Variants in L3MBTL4 observed in about 807,000 individuals in gnomAD.
The protein encoded by L3MBTL4 is lethal(3)malignant brain tumor-like protein 4.
Under a neutral mutation model 84.5 loss-of-function variants are expected in L3MBTL4, and 70 were observed. That is an observed-to-expected ratio of 0.83 (90% CI 0.68 to 1.01). The LOEUF (loss-of-function observed/expected upper bound fraction) is 1.01, where lower values mean the gene tolerates loss of function less well. Ranked by LOEUF, L3MBTL4 falls within the 50% of genes least tolerant of loss-of-function variation. The pLI is 0.00. For synonymous variants in L3MBTL4, 274 were observed against 259.8 expected (o/e 1.05, Z -0.52); for missense variants, 715 against 754.8 (o/e 0.95, Z 0.62).
At chr18:6,148,475 G>C (rs2042747071) in intron 13 of L3MBTL4, among the ~76,000 whole-genome samples, 1 of 152,110 alleles carries the variant, frequency 6.6e-6, no homozygotes, top group Admixed American at 6.5e-5. Flanking sequence ...ACCCAGGCTG[G>C]ACTGCGGTGC....
intron 16 of L3MBTL4, among the ~76,000 whole-genome samples, chr18:6,006,860 CAG>C (rs1426084440): frequency 6.6e-6 from 1 of 152,088 alleles, no homozygotes; most frequent in Non-Finnish European, 1.5e-5. Context: ...ATGATGTAAA[CAG>C]TGTTGAATCA....
chr18:6,230,456 C>T (rs1452615314), intron 10 of L3MBTL4, among the ~76,000 whole-genome samples: 1 of 152,142 alleles, frequency 6.6e-6, no homozygotes, highest in African/African-American at 2.4e-5. Context: ...TGAATATGCA[C>T]CACAGTTTAT....
chr18:5,964,990 C>T (rs2052272370), intron 17 of L3MBTL4, among the ~76,000 whole-genome samples: 2 of 152,194 alleles, frequency 1.3e-5, no homozygotes, highest in African/African-American at 4.8e-5. Context: ...TTAGTCCCTA[C>T]TCATAAAAGC....
intron 12 of L3MBTL4, among the ~76,000 whole-genome samples, chr18:6,206,682 G>A (rs2045890051): frequency 2.0e-5 from 3 of 152,166 alleles, no homozygotes; most frequent in African/African-American, 7.2e-5. Context: ...CATCCTTTCA[G>A]GGGCTTGGCT....
At chr18:6,045,405 G>A (rs551375177) in intron 16 of L3MBTL4, among the ~76,000 whole-genome samples, 99 of 152,292 alleles carry the variant, frequency 6.5e-4, no homozygotes, top group Middle Eastern at 3.4e-3. Flanking sequence ...CTGTTTTCAC[G>A]TGGCTGATAA....
chr18:6,168,758 T>C (rs572282300), intron 13 of L3MBTL4, among the ~76,000 whole-genome samples: 1 of 152,298 alleles, frequency 6.6e-6, no homozygotes, highest in African/African-American at 2.4e-5. Context: ...ATTCAGGACA[T>C]AGGCATGGGC....
intron 14 of L3MBTL4, among the ~76,000 whole-genome samples, chr18:6,118,993 C>CTTTTTTT (rs779523685): frequency 2.9e-4 from 24 of 83,690 alleles, no homozygotes; most frequent in African/African-American, 7.0e-4. Context: ...TTTTTGGTTT[C>CTTTTTTT]TTTTTTTTTT....
intron 1 of L3MBTL4, among the ~76,000 whole-genome samples, chr18:6,366,653 G>C (rs917735007): frequency 1.3e-5 from 2 of 152,128 alleles, no homozygotes; most frequent in Admixed American, 1.3e-4. Context: ...CTTTAAATAG[G>C]TGTCTAATTT....
At position 6,125,209 on chromosome 18, in the gene L3MBTL4, G is replaced by A. The variant is rs963273385; in HGVS notation, c.1199+12985C>T. The stretch of plus-strand genomic sequence containing the variant: ...AAGGAAGGAAGGGAGGGGAGGGAGG[G>A]GAAAGGAAGGTCCCCTCCTTTGTCC... On this transcript the variant is annotated intron_variant, in intron 14 of 18. Coordinates refer to ENST00000317931, the MANE Select transcript of L3MBTL4 (RefSeq NM_001330559.2). Among the ~76,000 whole-genome samples, 9 of 151,096 alleles carry A rather than the reference G, an allele frequency of 6.0e-5. No individual in the cohort carries two copies. In the Middle Eastern group the frequency reaches 0.01, roughly 172 times the overall value.
intron 1 of L3MBTL4, among the ~76,000 whole-genome samples, chr18:6,345,416 A>C (rs544972627): frequency 1.1e-3 from 173 of 151,620 alleles, no homozygotes; most frequent in African/African-American, 3.5e-3. Context: ...AAACAAACAA[A>C]CAAACAAAAA....
intron 13 of L3MBTL4, 42 bp from the exon 14 acceptor site, chr18:6,138,338 A>C (rs1165461085): frequency 8.5e-7 from 1 of 1,179,778 alleles, no homozygotes. Flanking sequence ...CACCCTCATT[A>C]AAGAAGACTG....
At chr18:6,084,593 AT>A (rs2058196380) in intron 15 of L3MBTL4, among the ~76,000 whole-genome samples, 2 of 152,084 alleles carry the variant, frequency 1.3e-5, no homozygotes, top group Non-Finnish European at 2.9e-5. Context: ...CTCAATCAAC[AT>A]TTCTCTGAGA....
intron 1 of L3MBTL4, among the ~76,000 whole-genome samples, chr18:6,400,882 G>A (rs9959298): frequency 0.016 from 2,465 of 152,184 alleles, 70 homozygotes; most frequent in African/African-American, 0.056. Context: ...TGCTGACCAC[G>A]GGCAGAGCAG....
intron 1 of L3MBTL4, among the ~76,000 whole-genome samples, chr18:6,337,727 C>T (rs887827779): frequency 2.0e-5 from 3 of 151,970 alleles, no homozygotes; most frequent in East Asian, 1.9e-4. Context: ...CACGTATGTT[C>T]GATGAACTTT....
chr18:6,292,242 G>A (rs2049900900), intron 4 of L3MBTL4, among the ~76,000 whole-genome samples: 1 of 152,062 alleles, frequency 6.6e-6, no homozygotes, highest in South Asian at 2.1e-4. Flanking sequence ...ATGGTCTTCA[G>A]GTTTCTTTAG....
intron 18 of L3MBTL4, among the ~76,000 whole-genome samples, chr18:5,956,931 A>G (rs149239136): frequency 6.3e-4 from 96 of 152,320 alleles, no homozygotes; most frequent in Middle Eastern, 3.4e-3. Flanking sequence ...ATAGATCAGT[A>G]AACAACAGAA....
In L3MBTL4 at chr18:6,215,785, G is replaced by C. The variant is rs771218875; in HGVS notation, c.835C>G (p.Gln279Glu). 6.2e-7 allele frequency: 1 copy of C among 1,608,500 alleles called. No individual in the cohort carries two copies. The highest frequency in any genetic ancestry group is 1.1e-5 in the South Asian group (1 of 89,734). Residue 279 changes from glutamine to glutamate, a missense_variant, in exon 11 of 19, where the codon CAA becomes GAA. Transcript: ENST00000317931. ...ACTTTGGCAGGAACTGCATTGGTTT[G>C]AGTAGCTTCCAGGTATTCTGTCCAG... is the stretch of plus-strand genomic sequence containing the variant. ...FSWTEYLEAT[Q>E]TNAVPAKVFK...
rs1168307695 is a variant in L3MBTL4, at chr18:6,047,279, C to G, written c.1444+33602G>C. ...AAAAATCTTACCAACCAAAAAAAGC[C>G]CTGGAGCAGATGGATTCACAGCCAA... On this transcript the variant is annotated intron_variant, in intron 16 of 18. Transcript: ENST00000317931. 2.6e-5 allele frequency among the ~76,000 whole-genome samples: 4 copies of G among 152,020 alleles called. No homozygotes were observed. The East Asian group carries it at 5.8e-4, about 22-fold the overall frequency.
At chr18:6,070,800 T>C (rs778843945) in intron 16 of L3MBTL4, among the ~76,000 whole-genome samples, 1 of 152,118 alleles carries the variant, frequency 6.6e-6, no homozygotes, top group East Asian at 1.9e-4. Flanking sequence ...ATCGCACCAC[T>C]GCACTCCAGC....
Sources: allele counts gnomAD v4.1 joint callset (sites outside exome capture counted in the v4.1 genomes callset), GRCh38; gene constraint gnomAD v4.1.1; transcripts MANE v1.5; gene names NCBI Gene and HGNC (gene_info 2026-07-23, HGNC 2026-07-21).